SMG5: variants seen among roughly 807,000 people sequenced by gnomAD.
SMG5 encodes SMG5 nonsense mediated mRNA decay factor.
In SMG5, 53 loss-of-function variants were observed where a neutral mutation model predicts 122.9. That is an observed-to-expected ratio of 0.43 (90% CI 0.35 to 0.54). The LOEUF (loss-of-function observed/expected upper bound fraction) is 0.54. SMG5 is among the 20% of genes least tolerant of loss of function. SMG5 has a pLI of 0.01. For synonymous variants in SMG5, 477 were observed against 490.2 expected, an observed-to-expected ratio of 0.97 and a Z score of 0.35; for missense variants, 1,153 against 1,285.6, an observed-to-expected ratio of 0.90 and a Z score of 1.58.
At chr1:156,285,164 C>T, upstream of SMG5, 1 of 1,497,014 alleles carries the variant, frequency 6.7e-7, no homozygotes, top group Non-Finnish European at 8.9e-7. Flanking sequence ...TCTGACAGAG[C>T]TTTCCTCTGT....
At chr1:156,285,520 A>T, upstream of SMG5, 1 of 1,614,174 alleles carries the variant, frequency 6.2e-7, no homozygotes, top group Non-Finnish European at 8.5e-7. Flanking sequence ...GGGACATTGA[A>T]CCAGAGCCCC....
chr1:156,256,759 T>TC (rs1347410713), intron 16 of SMG5, among the ~76,000 whole-genome samples: 1 of 151,912 alleles, frequency 6.6e-6, no homozygotes. Flanking sequence ...CCCCCGCAAC[T>TC]CCTAGTGCCC....
At chr1:156,253,912 G>T (rs1661466052) in intron 16 of SMG5, 1 of 284,808 alleles carries the variant, frequency 3.5e-6, no homozygotes, top group Non-Finnish European at 7.0e-6. Flanking sequence ...CAAATCTGCA[G>T]ATTCAGCCCA....
chr1:156,261,225 TC>T (rs1247340803), intron 14 of SMG5, 107 bp downstream of exon 14: 2 of 1,053,316 alleles, frequency 1.9e-6, no homozygotes, highest in South Asian at 2.6e-5. Context: ...TGGCAGTGAA[TC>T]CCATTAACCT....
At position 156,266,335 on chromosome 1, in the gene SMG5, T is replaced by C. The variant is rs561584116; in HGVS notation, c.1301A>G (p.Asp434Gly). Residue 434 changes from aspartate to glycine, a missense_variant, in exon 12 of 22, where the codon GAT becomes GGT. By Grantham distance (94) the Asp-to-Gly change is moderately conservative. Coordinates refer to ENST00000361813, the MANE Select transcript of SMG5 (RefSeq NM_015327.3). Reference sequence around the variant, plus strand: ...GGGTGTTACAGGAGGAGGCTCAGGATCTGGCTCCTCCTCTTTCTCCACAGG... The same window carrying C: ...GGGTGTTACAGGAGGAGGCTCAGGACCTGGCTCCTCCTCTTTCTCCACAGG... ...KEPVEKEEEPDPEPPPVTPQV... is the reference protein window; with the variant it reads ...KEPVEKEEEPGPEPPPVTPQV... The C allele has an allele frequency of 1.2e-5, 19 of 1,614,114 alleles. No individual in the cohort carries two copies. In the South Asian group the frequency reaches 1.8e-4, roughly 15 times the overall value.
the SMG5 span, chr1:156,290,020 C>T: frequency 6.6e-6 from 1 of 152,170 alleles, no homozygotes; most frequent in Admixed American, 6.5e-5. Context: ...TTGGACCAGT[C>T]TTACTTAACC....
intron 16 of SMG5, among the ~76,000 whole-genome samples, chr1:156,256,932 T>C (rs550208169): frequency 1.4e-5 from 2 of 139,648 alleles, no homozygotes; most frequent in East Asian, 4.2e-4. Flanking sequence ...TTTTCCTTTT[T>C]TTTTTTTTTT....
chr1:156,257,479 A>C (rs543983344), intron 16 of SMG5, among the ~76,000 whole-genome samples: 1 of 152,188 alleles, frequency 6.6e-6, no homozygotes, highest in Admixed American at 6.5e-5. Flanking sequence ...GCACCACATG[A>C]GAAGGGCTTG....
intron 10 of SMG5, among the ~76,000 whole-genome samples, 176 bp from the exon 11 acceptor site, chr1:156,266,854 G>C (rs1404602577): frequency 6.6e-6 from 1 of 151,106 alleles, no homozygotes; most frequent in Non-Finnish European, 1.5e-5. Context: ...ATGTTGCCCA[G>C]GCTGGGTCTT....
At chr1:156,273,094 A>G (rs1297731819) in intron 6 of SMG5, among the ~76,000 whole-genome samples, 1 of 152,156 alleles carries the variant, frequency 6.6e-6, no homozygotes, top group Admixed American at 6.6e-5. Flanking sequence ...TCTTTCTACA[A>G]GAGACCTCAG....
chr1:156,253,807 T>G (rs1431412664), intron 16 of SMG5: 2 of 436,552 alleles, frequency 4.6e-6, no homozygotes, highest in Admixed American at 6.9e-5. Context: ...GCCTCAGGAT[T>G]CAATCTCTGC....
chr1:156,276,412 C>T (rs1022132519), intron 4 of SMG5, among the ~76,000 whole-genome samples: 13 of 152,220 alleles, frequency 8.5e-5, no homozygotes, highest in Non-Finnish European at 1.2e-4. Flanking sequence ...CAGGCATGAG[C>T]CACCGTGCCC....
chr1:156,279,879 G>A (rs1166359391), intron 1 of SMG5, among the ~76,000 whole-genome samples: 2 of 151,968 alleles, frequency 1.3e-5, no homozygotes, highest in South Asian at 4.1e-4. Flanking sequence ...AAACCAGACC[G>A]CCTGGATTCA....
chr1:156,255,292 G>A (rs1247542878), intron 16 of SMG5, among the ~76,000 whole-genome samples: 1 of 151,780 alleles, frequency 6.6e-6, no homozygotes, highest in Non-Finnish European at 1.5e-5. Context: ...TGTAATCCCA[G>A]CACTTTGGGA....
upstream of SMG5, chr1:156,286,030 G>A (rs1663149927): frequency 1.3e-6 from 2 of 1,565,836 alleles, no homozygotes; most frequent in Admixed American, 1.8e-5. Flanking sequence ...GACTTGAGGA[G>A]GGCAGGGCCT....
intron 4 of SMG5, among the ~76,000 whole-genome samples, chr1:156,275,126 C>T (rs1340991943): frequency 1.0e-5 from 1 of 99,506 alleles, no homozygotes; most frequent in African/African-American, 3.3e-5. Context: ...GTGAATGACG[C>T]CAATTAAAAA....
At chr1:156,276,969 G>T in intron 4 of SMG5, 116 bp downstream of exon 4, 1 of 1,001,902 alleles carries the variant, frequency 1.0e-6, no homozygotes, top group Non-Finnish European at 1.5e-6. Context: ...TTTGTATGTA[G>T]TTCTGCTAGA....
Position 156,272,059 on chromosome 1 carries a change from CCTT to C in SMG5, c.713+258_713+260del, listed in dbSNP as rs111695712. On this transcript the variant is annotated intron_variant, in intron 7 of 21. Coordinates refer to ENST00000361813, the MANE Select transcript of SMG5 (RefSeq NM_015327.3). Reference sequence around the variant, plus strand: ...TTTACCAACTGTATCAAATTTATTTCCTTCTTCAAGAAAACAGCAATCTTGTAT... The same window carrying C: ...TTTACCAACTGTATCAAATTTATTTCCTTCAAGAAAACAGCAATCTTGTAT... Among the ~76,000 whole-genome samples, 193 of 152,296 alleles carry C rather than the reference CCTT, an allele frequency of 1.3e-3. 1 individual carries two copies. Among genetic ancestry groups the C allele is most frequent in the African/African-American group, 4.4e-3 (183 of 41,566 alleles).
At chr1:156,280,835 CGT>C (rs1366947764) in intron 1 of SMG5, among the ~76,000 whole-genome samples, 1 of 152,162 alleles carries the variant, frequency 6.6e-6, no homozygotes, top group Non-Finnish European at 1.5e-5. Context: ...AAAATCTAGC[CGT>C]GTGTTTCATT....
Sources: allele counts gnomAD v4.1 joint callset (sites outside exome capture counted in the v4.1 genomes callset), GRCh38; gene constraint gnomAD v4.1.1; transcripts MANE v1.5; gene names NCBI Gene and HGNC (gene_info 2026-07-23, HGNC 2026-07-21).